The following HSPA12A variants were observed in gnomAD, a reference collection of about 807,000 sequenced individuals.
HSPA12A encodes the protein heat shock protein family A (Hsp70) member 12A, also known as heat shock 70 kDa protein 12A.
HSPA12A carries 28 observed loss-of-function variants against 69.2 expected under a neutral mutation model. That is an observed-to-expected ratio of 0.40 (90% CI 0.30 to 0.55). The LOEUF is 0.55. Ranked by LOEUF, HSPA12A falls within the 20% of genes least tolerant of loss-of-function variation. The probability of loss-of-function intolerance (pLI) is 0.38; values close to 1 mark genes in which losing one functional copy is unlikely to be tolerated. For missense variants in HSPA12A, 686 were observed against 900.7 expected (o/e 0.76, Z 3.05); for synonymous variants, 345 against 370.5 (o/e 0.93, Z 0.79).
chr10:116,806,747 A>G (rs930592837), intron 2 of HSPA12A, among the ~76,000 whole-genome samples: 18 of 152,194 alleles, frequency 1.2e-4, no homozygotes, highest in African/African-American at 4.3e-4. Context: ...GTTCCCTCCC[A>G]TCTCAACACA....
intron 2 of HSPA12A, among the ~76,000 whole-genome samples, chr10:116,795,678 T>G (rs1222630776): frequency 4.0e-5 from 2 of 50,574 alleles, no homozygotes; most frequent in Non-Finnish European, 7.7e-5. Flanking sequence ...AGTGAGATTC[T>G]GTCTCAAAAA....
At chr10:116,749,592 G>T (rs1470912511) in intron 2 of HSPA12A, among the ~76,000 whole-genome samples, 2 of 152,330 alleles carry the variant, frequency 1.3e-5, no homozygotes, top group Non-Finnish European at 1.5e-5. Flanking sequence ...CTGGCACATG[G>T]CAGGGCCTCA....
chr10:116,718,223 G>A lies in HSPA12A; in HGVS notation c.41-10938C>T, dbSNP rs1451731183. On this transcript the variant is annotated intron_variant, in intron 1 of 11. Coordinates refer to ENST00000369209, the MANE Select transcript of HSPA12A (RefSeq NM_025015.3). Reference sequence around the variant, plus strand: ...CACAGCTAGTGCTGCCTGGACTGAGGCTAAAGAAAGGGCCGAGGCCATTCC... The same window carrying A: ...CACAGCTAGTGCTGCCTGGACTGAGACTAAAGAAAGGGCCGAGGCCATTCC... Among the ~76,000 whole-genome samples, 4 of 152,362 alleles carry A rather than the reference G, an allele frequency of 2.6e-5. No individual in the cohort carries two copies. The South Asian group carries it at 6.2e-4, about 24-fold the overall frequency.
intron 2 of HSPA12A, among the ~76,000 whole-genome samples, chr10:116,825,490 G>A (rs1336456883): frequency 1.3e-5 from 2 of 152,156 alleles, no homozygotes; most frequent in Non-Finnish European, 2.9e-5. Context: ...CAGCCTGGGT[G>A]ACAGAGTGAG....
intron 2 of HSPA12A, among the ~76,000 whole-genome samples, chr10:116,771,858 TG>T (rs1267503736): frequency 1.3e-5 from 2 of 152,102 alleles, no homozygotes; most frequent in Non-Finnish European, 2.9e-5. Context: ...GGAGAACTGC[TG>T]GGGGCGGTGG....
rs540639432 is a variant in HSPA12A at position 116,757,091 on chromosome 10, G to A, written c.92-49806C>T. On this transcript the variant is annotated intron_variant, in intron 2 of 12. Coordinates refer to the HSPA12A transcript ENST00000635765. ...AGGTTCAATAACTTGTTTAAGGATGGTCAGCAAAAAAGCTTGAGACCTGGA... is the reference window on the plus strand; with the variant it reads ...AGGTTCAATAACTTGTTTAAGGATGATCAGCAAAAAAGCTTGAGACCTGGA... Among the ~76,000 whole-genome samples, 5 of 152,294 alleles carry A rather than the reference G, an allele frequency of 3.3e-5. No individual in the cohort carries two copies. The South Asian group carries it at 1.0e-3, about 32-fold the overall frequency.
Position 116,796,145 on chromosome 10 carries a change from C to CA in HSPA12A, c.91+38789dup, listed in dbSNP as rs10522145. Among the ~76,000 whole-genome samples the CA allele has an allele frequency of 8.6e-4, 95 of 110,664 alleles. 1 individual carries two copies. The highest frequency in any genetic ancestry group is 4.7e-3 in the Middle Eastern group (1 of 214). 72.6% of individuals were successfully genotyped at this position (110,664 alleles called of 152,430 possible). On this transcript the variant is annotated intron_variant, in intron 2 of 12. Coordinates refer to the HSPA12A transcript ENST00000635765. ...CCTGGGTGACTGAGCAAGACTCCAT[C>CA]AAAAAAAAAAAAAAAAAAAAAGAAA...
intron 6 of HSPA12A, among the ~76,000 whole-genome samples, chr10:116,688,493 G>A (rs1249276347): frequency 6.6e-6 from 1 of 152,246 alleles, no homozygotes; most frequent in Non-Finnish European, 1.5e-5. Context: ...AGCTGAGGAG[G>A]TGGTGTTTAC....
chr10:116,701,575 G>C (rs1850077514), intron 3 of HSPA12A, among the ~76,000 whole-genome samples: 1 of 152,254 alleles, frequency 6.6e-6, no homozygotes, highest in Non-Finnish European at 1.5e-5. Context: ...AGATGCAAAT[G>C]AGATGCCCAA....
chr10:116,740,629 C>T (rs1458800528), intron 1 of HSPA12A, among the ~76,000 whole-genome samples: 1 of 149,402 alleles, frequency 6.7e-6, no homozygotes, highest in Non-Finnish European at 1.5e-5. Flanking sequence ...CAGGATTTCT[C>T]CCAGCACCGT....
At chr10:116,818,863 C>G (rs1252426612) in intron 2 of HSPA12A, among the ~76,000 whole-genome samples, 2 of 152,136 alleles carry the variant, frequency 1.3e-5, no homozygotes, top group African/African-American at 4.8e-5. Context: ...GAGAGATTTA[C>G]CCCCAACACA....
At chr10:116,839,908 G>GT (rs1232163019) in intron 1 of HSPA12A, among the ~76,000 whole-genome samples, 2 of 150,750 alleles carry the variant, frequency 1.3e-5, no homozygotes, top group African/African-American at 4.9e-5. Flanking sequence ...GAAGGTTAGT[G>GT]CCTTTTTTTT....
At chr10:116,842,390 T>C (rs1210589705) in intron 1 of HSPA12A, among the ~76,000 whole-genome samples, 2 of 152,208 alleles carry the variant, frequency 1.3e-5, no homozygotes, top group African/African-American at 4.8e-5. Context: ...AACATTTTCT[T>C]CACTCACAAT....
chr10:116,756,100 C>T (rs1554888750), intron 2 of HSPA12A, among the ~76,000 whole-genome samples: 3 of 152,172 alleles, frequency 2.0e-5, no homozygotes. Flanking sequence ...AAAGATCAAA[C>T]AGTTGTGCTA....
chr10:116,707,153 G>GCA (rs59728190), intron 2 of HSPA12A, 47 bp downstream of exon 2: 8,076 of 581,258 alleles, frequency 0.014, 12 homozygotes, highest in Non-Finnish European at 0.015. Flanking sequence ...ACCCATGCGC[G>GCA]CACACACACA....
intron 1 of HSPA12A, among the ~76,000 whole-genome samples, 161 bp from the exon 2 acceptor site, chr10:116,707,446 T>A (rs1314225318): frequency 6.6e-6 from 1 of 152,184 alleles, no homozygotes; most frequent in Admixed American, 6.5e-5. Context: ...GGCAGGAACA[T>A]CCGTTCCAGC....
At chr10:116,803,310 C>CGCTG (rs199933274) in intron 2 of HSPA12A, among the ~76,000 whole-genome samples, 2,450 of 152,296 alleles carry the variant, frequency 0.016, 73 homozygotes, top group African/African-American at 0.056. Context: ...TACCCAAACA[C>CGCTG]GCTGGCATGG....
At chr10:116,703,349 A>G (rs1850135215) in intron 3 of HSPA12A, among the ~76,000 whole-genome samples, 2 of 152,136 alleles carry the variant, frequency 1.3e-5, no homozygotes, top group Admixed American at 1.3e-4. Context: ...CTTGTGCTTT[A>G]CACAACCCTT....
At chr10:116,836,163 C>T (rs1228126381) in intron 1 of HSPA12A, among the ~76,000 whole-genome samples, 2 of 152,104 alleles carry the variant, frequency 1.3e-5, no homozygotes, top group Non-Finnish European at 2.9e-5. Flanking sequence ...CATGCCTGGG[C>T]CCAGGCTGGT....
Sources: gnomAD v4.1 joint callset for allele counts (sites outside exome capture counted in the v4.1 genomes callset) on GRCh38, gnomAD v4.1.1 for gene constraint, MANE v1.5 for transcripts, NCBI Gene and HGNC (gene_info 2026-07-23, HGNC 2026-07-21) for gene names.